The following SLC17A5 variants were observed in gnomAD, a reference collection of about 807,000 sequenced individuals.
SLC17A5 encodes the protein solute carrier family 17 member 5, also known as sialin.
A neutral mutation model predicts 59.4 loss-of-function variants in SLC17A5; 47 were observed. The ratio of observed to expected loss-of-function variants is 0.79; its 90% CI spans 0.63 to 1.01. The LOEUF (loss-of-function observed/expected upper bound fraction) is 1.01. Among genes scored for constraint, SLC17A5 ranks in the 50% least tolerant of loss-of-function variants. The probability of loss-of-function intolerance (pLI) is 0.00; values close to 1 mark genes in which losing one functional copy is unlikely to be tolerated. For synonymous variants in SLC17A5, 202 were observed against 210.7 expected, an observed-to-expected ratio of 0.96 and a Z score of 0.36; for missense variants, 522 against 595.5, an observed-to-expected ratio of 0.88 and a Z score of 1.28.
rs1766977198 is a variant in SLC17A5, at chr6:73,599,857, G to A, written c.1350+494C>T. Among the ~76,000 whole-genome samples the A allele has an allele frequency of 2.0e-5, 3 of 151,666 alleles. No homozygotes were observed. In the South Asian group the frequency reaches 6.2e-4, roughly 32 times the overall value. ...CTCTGTTGCCAGACTGGAGTGCAGTGGTGATGTTGGCTTACTGCAACCTCC... is the reference window on the plus strand; with the variant it reads ...CTCTGTTGCCAGACTGGAGTGCAGTAGTGATGTTGGCTTACTGCAACCTCC... On this transcript the variant is annotated intron_variant, in intron 10 of 10. Transcript: ENST00000355773.
chr6:73,609,566 T>C (rs1767553202), intron 9 of SLC17A5, among the ~76,000 whole-genome samples: 1 of 152,212 alleles, frequency 6.6e-6, no homozygotes. Context: ...CTCTTTCACA[T>C]TCATTCATCT....
intron 8 of SLC17A5, among the ~76,000 whole-genome samples, 171 bp downstream of exon 8, chr6:73,615,144 T>G (rs540505146): frequency 6.6e-6 from 1 of 152,348 alleles, no homozygotes; most frequent in Admixed American, 6.5e-5. Flanking sequence ...ACTGGTTATG[T>G]GTAGGCAGAA....
intron 6 of SLC17A5, 39 bp downstream of exon 6, chr6:73,635,343 G>C (rs1366051877): frequency 1.8e-6 from 2 of 1,141,264 alleles, no homozygotes; most frequent in Non-Finnish European, 2.6e-6. Flanking sequence ...AAGAAAAAAA[G>C]TTTCTGACAT....
intron 10 of SLC17A5, among the ~76,000 whole-genome samples, chr6:73,598,604 C>A (rs1187655973): frequency 6.6e-6 from 1 of 151,992 alleles, no homozygotes; most frequent in Non-Finnish European, 1.5e-5. Flanking sequence ...GCCCTCCAAC[C>A]TGGGGGACGA....
chr6:73,625,864 C>T (rs1768385472), intron 6 of SLC17A5, among the ~76,000 whole-genome samples: 1 of 152,078 alleles, frequency 6.6e-6, no homozygotes, highest in African/African-American at 2.4e-5. Flanking sequence ...TTTTGAAGAT[C>T]CCTGGGTGAT....
At chr6:73,611,500 G>A (rs1335289879) in intron 8 of SLC17A5, among the ~76,000 whole-genome samples, 1 of 151,834 alleles carries the variant, frequency 6.6e-6, no homozygotes, top group East Asian at 1.9e-4. Flanking sequence ...GGCCGTTCTC[G>A]AACTCCTGAC....
intron 4 of SLC17A5, among the ~76,000 whole-genome samples, chr6:73,637,006 C>G (rs10455280): frequency 6.6e-6 from 1 of 151,404 alleles, no homozygotes; most frequent in Admixed American, 6.6e-5. Context: ...GTGGGACGAT[C>G]GCTTCAGCTG....
intron 1 of SLC17A5, among the ~76,000 whole-genome samples, chr6:73,646,690 T>C (rs1335467084): frequency 1.3e-5 from 2 of 151,100 alleles, no homozygotes; most frequent in Non-Finnish European, 2.9e-5. Flanking sequence ...TTTTTTTTTT[T>C]AGAGACAGGG....
intron 6 of SLC17A5, among the ~76,000 whole-genome samples, chr6:73,626,531 G>A (rs1416743314): frequency 1.3e-5 from 2 of 152,148 alleles, no homozygotes; most frequent in African/African-American, 2.4e-5. Context: ...ATTTTCAAAT[G>A]TTACTAGGAG....
chr6:73,595,030 G>A lies in SLC17A5; in HGVS notation c.*47C>T, dbSNP rs1306513415. ...TACAGAAGGCACTTTGAGGTTACAT[G>A]ATAAATAAAAATACATTAATAGAGG... On this transcript the variant is annotated 3_prime_UTR_variant, in exon 11 of 11. Coordinates refer to ENST00000355773, the MANE Select transcript of SLC17A5 (RefSeq NM_012434.5). 1.2e-6 allele frequency: 2 copies of A among 1,604,816 alleles called. No individual in the cohort carries two copies. Among genetic ancestry groups the A allele is most frequent in the African/African-American group, 1.3e-5 (1 of 74,836 alleles).
At chr6:73,627,080 T>A (rs992173754) in intron 6 of SLC17A5, among the ~76,000 whole-genome samples, 8 of 101,278 alleles carry the variant, frequency 7.9e-5, no homozygotes, top group African/African-American at 4.8e-4. Flanking sequence ...CCAGAACTAA[T>A]TTTTTTTTTT....
At chr6:73,628,195 A>AG (rs1387058892) in intron 6 of SLC17A5, among the ~76,000 whole-genome samples, 6 of 152,184 alleles carry the variant, frequency 3.9e-5, no homozygotes, top group Non-Finnish European at 7.3e-5. Context: ...ATCGGATTAC[A>AG]GGCATAAGTC....
chr6:73,641,595 T>C (rs1769287190), intron 3 of SLC17A5, 96 bp downstream of exon 3: 1 of 894,768 alleles, frequency 1.1e-6, no homozygotes, highest in East Asian at 2.4e-5. Context: ...TCCAACGTTA[T>C]TTTTTGGTTC....
At chr6:73,598,230 T>C (rs2150073968) in intron 10 of SLC17A5, among the ~76,000 whole-genome samples, 1 of 152,352 alleles carries the variant, frequency 6.6e-6, no homozygotes. Flanking sequence ...AGAATACTGT[T>C]TTGTTTATAA....
At chr6:73,628,300 G>A (rs534964145) in intron 6 of SLC17A5, among the ~76,000 whole-genome samples, 1 of 152,182 alleles carries the variant, frequency 6.6e-6, no homozygotes, top group African/African-American at 2.4e-5. Flanking sequence ...GCTGGGCGTG[G>A]TGGCTCACAC....
intron 9 of SLC17A5, among the ~76,000 whole-genome samples, chr6:73,605,316 G>C (rs1767343197): frequency 2.0e-5 from 3 of 152,134 alleles, no homozygotes; most frequent in Non-Finnish European, 4.4e-5. Context: ...ATTTTCTCAT[G>C]CTTCATTTTT....
At chr6:73,617,875 C>G (rs1171918643) in intron 7 of SLC17A5, among the ~76,000 whole-genome samples, 1 of 151,138 alleles carries the variant, frequency 6.6e-6, no homozygotes, top group Non-Finnish European at 1.5e-5. Flanking sequence ...GCACCTTCCA[C>G]AGTTGTTAAG....
At chr6:73,652,481 G>A (rs1769917797) in intron 1 of SLC17A5, among the ~76,000 whole-genome samples, 1 of 152,054 alleles carries the variant, frequency 6.6e-6, no homozygotes, top group Non-Finnish European at 1.5e-5. Context: ...GCATTTTCCT[G>A]AGAATAATGT....
At chr6:73,610,026 C>T (rs1458928908) in intron 9 of SLC17A5, among the ~76,000 whole-genome samples, 2 of 151,566 alleles carry the variant, frequency 1.3e-5, no homozygotes, top group Non-Finnish European at 2.9e-5. Context: ...TATATCATAT[C>T]TATTTTATCA....
Sources: gnomAD v4.1 joint callset for allele counts (sites outside exome capture counted in the v4.1 genomes callset) on GRCh38, gnomAD v4.1.1 for gene constraint, MANE v1.5 for transcripts, NCBI Gene and HGNC (gene_info 2026-07-23, HGNC 2026-07-21) for gene names.